ERBB4: variants seen among roughly 807,000 people sequenced by gnomAD.
ERBB4 encodes receptor tyrosine-protein kinase erbB-4.
A neutral mutation model predicts 158.0 loss-of-function variants in ERBB4; 42 were observed. That is an observed-to-expected ratio of 0.27 (90% confidence interval 0.21 to 0.34). ERBB4 has a LOEUF of 0.34. Ranked by LOEUF, ERBB4 falls within the 10% of genes least tolerant of loss-of-function variation. The probability of loss-of-function intolerance (pLI) is 1.00; values close to 1 mark genes in which losing one functional copy is unlikely to be tolerated. For missense variants in ERBB4, 1,333 were observed against 1,624.1 expected, an observed-to-expected ratio of 0.82 and a Z score of 3.08; for synonymous variants, 583 against 558.7, an observed-to-expected ratio of 1.04 and a Z score of -0.61.
intron 1 of ERBB4, among the ~76,000 whole-genome samples, chr2:212,280,217 T>C (rs528448351): frequency 2.6e-5 from 4 of 151,678 alleles, no homozygotes; most frequent in Non-Finnish European, 5.9e-5. Flanking sequence ...AAAAATATAG[T>C]AGTTGTTAGA....
chr2:211,949,623 G>A (rs750616022), intron 2 of ERBB4, among the ~76,000 whole-genome samples: 2 of 152,116 alleles, frequency 1.3e-5, no homozygotes, highest in African/African-American at 4.8e-5. Context: ...GAACTGCAGT[G>A]TATGATCTAG....
chr2:212,353,548 G>A (rs2106345874), intron 1 of ERBB4, among the ~76,000 whole-genome samples: 1 of 151,678 alleles, frequency 6.6e-6, no homozygotes, highest in South Asian at 2.1e-4. Context: ...TGTACCTTCT[G>A]AAAATTTGTA....
At chr2:211,394,071 A>G (rs1453668887) in intron 25 of ERBB4, among the ~76,000 whole-genome samples, 1 of 152,146 alleles carries the variant, frequency 6.6e-6, no homozygotes, top group African/African-American at 2.4e-5. Flanking sequence ...GTAGAACAAG[A>G]GGATATTTCC....
At chr2:211,411,323 T>A (rs938462082) in intron 25 of ERBB4, among the ~76,000 whole-genome samples, 1 of 152,210 alleles carries the variant, frequency 6.6e-6, no homozygotes, top group Non-Finnish European at 1.5e-5. Context: ...GGTCCCTTGA[T>A]ATTTTTGTTA....
chr2:211,864,833 G>A (rs936720517), intron 3 of ERBB4, among the ~76,000 whole-genome samples: 5 of 151,834 alleles, frequency 3.3e-5, no homozygotes, highest in African/African-American at 7.3e-5. Flanking sequence ...GAGTGTGGTG[G>A]CACCCTGTCT....
intron 25 of ERBB4, among the ~76,000 whole-genome samples, chr2:211,401,096 A>C (rs890133760): frequency 2.0e-5 from 3 of 152,076 alleles, no homozygotes; most frequent in Non-Finnish European, 4.4e-5. Flanking sequence ...TTGAAAATTA[A>C]AACTGCTATG....
At chr2:212,339,054 G>C (rs2088579045) in intron 1 of ERBB4, among the ~76,000 whole-genome samples, 1 of 152,000 alleles carries the variant, frequency 6.6e-6, no homozygotes. Flanking sequence ...GGATGTGCAG[G>C]TTTGTTACAT....
At chr2:211,941,847 A>G (rs1311255666) in intron 3 of ERBB4, among the ~76,000 whole-genome samples, 1 of 152,104 alleles carries the variant, frequency 6.6e-6, no homozygotes, top group Non-Finnish European at 1.5e-5. Flanking sequence ...AACTATAAAC[A>G]AAACAGATAC....
chr2:212,276,615 A>G (rs2085546065), intron 1 of ERBB4, among the ~76,000 whole-genome samples: 1 of 151,856 alleles, frequency 6.6e-6, no homozygotes. Context: ...CATTCTTAAA[A>G]GTAAAGAAAC....
chr2:211,828,911 C>T (rs1166401299), intron 3 of ERBB4, among the ~76,000 whole-genome samples: 5 of 152,078 alleles, frequency 3.3e-5, no homozygotes, highest in Admixed American at 6.6e-5. Flanking sequence ...ACAGCTCCTT[C>T]GTGTTGAGGT....
At chr2:212,402,924 T>G (rs1285509223) in intron 1 of ERBB4, among the ~76,000 whole-genome samples, 1 of 152,140 alleles carries the variant, frequency 6.6e-6, no homozygotes, top group Non-Finnish European at 1.5e-5. Flanking sequence ...TACCAGCATA[T>G]GTACTTTGTT....
intron 2 of ERBB4, among the ~76,000 whole-genome samples, chr2:212,083,924 G>GA (rs35084075): frequency 0.73 from 105,155 of 143,742 alleles, 39,028 homozygotes; most frequent in East Asian, 0.97. Flanking sequence ...TTGTTCACAG[G>GA]AAAAAAAAAA....
chr2:212,001,653 C>G (rs571618101), intron 2 of ERBB4, among the ~76,000 whole-genome samples: 2 of 152,110 alleles, frequency 1.3e-5, no homozygotes, highest in African/African-American at 4.8e-5. Flanking sequence ...TAAGAAAAGT[C>G]TTTTGTTTAT....
intron 20 of ERBB4, among the ~76,000 whole-genome samples, chr2:211,554,379 G>A (rs2067182199): frequency 6.6e-6 from 1 of 152,180 alleles, no homozygotes; most frequent in Admixed American, 6.5e-5. Context: ...GATATGCCAG[G>A]TGTGTAATAC....
chr2:211,830,033 G>A (rs945034365), intron 3 of ERBB4, among the ~76,000 whole-genome samples: 5 of 152,054 alleles, frequency 3.3e-5, no homozygotes, highest in Non-Finnish European at 5.9e-5. Flanking sequence ...AGTTTCACCC[G>A]CTTCAGGGAA....
chr2:212,256,747 A>T lies in ERBB4; in HGVS notation c.83-131844T>A, dbSNP rs560086801. 1.3e-5 allele frequency among the ~76,000 whole-genome samples: 2 copies of T among 152,284 alleles called. 1 individual carries two copies. Among genetic ancestry groups the T allele is most frequent in the South Asian group, 4.1e-4 (2 of 4,826 alleles). On this transcript the variant is annotated intron_variant, in intron 1 of 27. Transcript: ENST00000342788. ...CAAGACTCCAACCTGGATCTACATGATTTTAAAACCTACACATTTTTCTCA... is the reference window on the plus strand; with the variant it reads ...CAAGACTCCAACCTGGATCTACATGTTTTTAAAACCTACACATTTTTCTCA...
chr2:211,510,133 T>TA (rs2065851272), intron 20 of ERBB4, among the ~76,000 whole-genome samples: 1 of 152,126 alleles, frequency 6.6e-6, no homozygotes, highest in Non-Finnish European at 1.5e-5. Flanking sequence ...TACCTGCACT[T>TA]ATATGTTTAC....
chr2:211,636,688 C>A (rs531175404), intron 16 of ERBB4, among the ~76,000 whole-genome samples: 1 of 151,752 alleles, frequency 6.6e-6, no homozygotes, highest in South Asian at 2.1e-4. Context: ...TTTAGGATAC[C>A]CAGAGTTAAT....
intron 4 of ERBB4, among the ~76,000 whole-genome samples, chr2:211,774,964 T>C (rs1184066735): frequency 6.6e-6 from 1 of 152,178 alleles, no homozygotes; most frequent in Non-Finnish European, 1.5e-5. Context: ...GAATTTAAGA[T>C]AGTTCGATGT....
Sources: allele counts gnomAD v4.1 joint callset (sites outside exome capture counted in the v4.1 genomes callset), GRCh38; gene constraint gnomAD v4.1.1; transcripts MANE v1.5; gene names NCBI Gene and HGNC (gene_info 2026-07-23, HGNC 2026-07-21).